Variants in GLYATL1 observed in about 807,000 individuals in gnomAD.
GLYATL1 encodes the protein glycine-N-acyltransferase like 1, also known as glycine N-acyltransferase-like protein 1.
GLYATL1 carries 15 observed loss-of-function variants against 20.0 expected under a neutral mutation model. The ratio of observed to expected loss-of-function variants is 0.75; its 90% CI spans 0.50 to 1.15. GLYATL1 has a LOEUF of 1.15. GLYATL1 is among the 50% of genes most tolerant of loss of function. The pLI is 0.00. For synonymous variants in GLYATL1, 151 were observed against 131.5 expected, an observed-to-expected ratio of 1.15 and a Z score of -1.01; for missense variants, 380 against 368.5, an observed-to-expected ratio of 1.03 and a Z score of -0.26.
intron 5 of GLYATL1, 54 bp from the exon 6 acceptor site, chr11:58,955,122 T>C (rs1857290729): frequency 6.6e-7 from 1 of 1,523,056 alleles, no homozygotes; most frequent in Admixed American, 1.7e-5. Flanking sequence ...GTGGGAGCAG[T>C]GTAAGTAGAG....
chr11:58,912,826 T>C (rs1855083065), downstream of GLYATL1, among the ~76,000 whole-genome samples: 1 of 152,202 alleles, frequency 6.6e-6, no homozygotes, highest in Admixed American at 6.5e-5. Flanking sequence ...GTCCCAGCTC[T>C]TGTGGACCTT....
In GLYATL1 at chr11:58,948,095, A is replaced by G. The variant is rs530433155; in HGVS notation, c.186+130A>G. 361 of 659,988 alleles carry G rather than the reference A, an allele frequency of 5.5e-4. 2 individuals are homozygous for G. Among genetic ancestry groups the G allele is most frequent in the South Asian group, 5.0e-3 (298 of 60,198 alleles). 40.9% of individuals were successfully genotyped at this position (659,988 alleles called of 1,614,324 possible). On this transcript the variant is annotated intron_variant, in intron 4 of 6. Transcript: ENST00000532726. The stretch of plus-strand genomic sequence containing the variant: ...GAGTATTTTAAAACACTCCTTCAGT[A>G]CTGGGCACCTTGCATGAGTGCCACG...
At chr11:58,940,375 T>G (rs563781503) in intron 1 of GLYATL1, among the ~76,000 whole-genome samples, 1 of 152,336 alleles carries the variant, frequency 6.6e-6, no homozygotes, top group Admixed American at 6.5e-5. Context: ...ACTGATGAGT[T>G]TCTATTTCAA....
At chr11:58,916,051 A>C (rs1402691256) in intron 1 of GLYATL1, among the ~76,000 whole-genome samples, 2 of 152,164 alleles carry the variant, frequency 1.3e-5, no homozygotes. Context: ...CAGAAAACCC[A>C]CCACCACTAC....
intron 4 of GLYATL1, among the ~76,000 whole-genome samples, chr11:58,951,631 A>G (rs916421047): frequency 1.3e-5 from 2 of 152,122 alleles, no homozygotes; most frequent in East Asian, 1.9e-4. Flanking sequence ...AAATTTTTTC[A>G]TCAAGAAATA....
rs1405482802 is a variant in GLYATL1 at position 58,947,117 on chromosome 11, G to C, written c.30G>C (p.Leu10=). The change falls in exon 3 of 7, where the codon CTG becomes CTC. Residue 10 remains leucine, a synonymous_variant. Transcript: ENST00000532726. MILLNNSHK[L]LALYKSLARS... is the part of the protein sequence containing the mutation. ...TCCTACTGAATAACTCCCATAAGCT[G>C]CTGGCCCTATACAAATCCTTGGCCA... 1 of 1,613,918 alleles carries C rather than the reference G, an allele frequency of 6.2e-7. No homozygotes were observed. The highest frequency in any genetic ancestry group is 1.3e-5 in the African/African-American group (1 of 75,048).
Position 58,955,908 on chromosome 11 carries a change from A to T in GLYATL1, c.790A>T (p.Ile264Phe). Residue 264 changes from isoleucine (I) to phenylalanine (F), a missense_variant, in exon 7 of 7, where the codon ATC (isoleucine) becomes TTC (phenylalanine). Transcript: ENST00000532726. ...YLRQKNIPFYISVLEENEDSR... is the reference protein window; with the variant it reads ...YLRQKNIPFYFSVLEENEDSR... ...GCGTCAGAAGAATATTCCATTTTACATCTCTGTGTTGGAAGAAAATGAAGA... is the reference window on the plus strand; with the variant it reads ...GCGTCAGAAGAATATTCCATTTTACTTCTCTGTGTTGGAAGAAAATGAAGA... 6.2e-7 allele frequency: 1 copy of T among 1,614,150 alleles called. No homozygotes were observed. Among genetic ancestry groups the T allele is most frequent in the Non-Finnish European group, 8.5e-7 (1 of 1,180,014 alleles).
chr11:58,938,505 A>G (rs923730473), upstream of GLYATL1, among the ~76,000 whole-genome samples: 1 of 152,228 alleles, frequency 6.6e-6, no homozygotes, highest in Non-Finnish European at 1.5e-5. Flanking sequence ...TTCATGTCAG[A>G]ATCCAAGCTG....
downstream of GLYATL1, among the ~76,000 whole-genome samples, chr11:58,910,987 C>A (rs503591): frequency 0.28 from 42,950 of 151,998 alleles, 6,471 homozygotes; most frequent in Middle Eastern, 0.36. Context: ...CACTTATCCC[C>A]TATTCACCCC....
At chr11:58,946,071 C>T (rs1856549235) in intron 2 of GLYATL1, among the ~76,000 whole-genome samples, 1 of 152,052 alleles carries the variant, frequency 6.6e-6, no homozygotes, top group Admixed American at 6.6e-5. Context: ...TCGTGGGTTC[C>T]TTCTCTTACA....
At chr11:58,906,065 C>T (rs6591500) in intron 1 of GLYATL1, among the ~76,000 whole-genome samples, 2 of 152,022 alleles carry the variant, frequency 1.3e-5, no homozygotes, top group Admixed American at 6.5e-5. Context: ...GAATCGGGAG[C>T]AGCGGGCACT....
At chr11:58,921,512 A>G (rs1464845426) in intron 1 of GLYATL1, among the ~76,000 whole-genome samples, 1 of 152,130 alleles carries the variant, frequency 6.6e-6, no homozygotes, top group Non-Finnish European at 1.5e-5. Flanking sequence ...TGGTTTTTTC[A>G]TACCGTGGCC....
At chr11:58,918,723 T>C (rs75375065) in intron 1 of GLYATL1, among the ~76,000 whole-genome samples, 6,266 of 152,256 alleles carry the variant, frequency 0.041, 408 homozygotes, top group African/African-American at 0.14. Flanking sequence ...ATTTACTCAT[T>C]TGATGGTGAC....
Position 58,947,055 on chromosome 11 carries a change from TTCAAGGTC to T in GLYATL1, c.-23_-16del. 1 of 1,612,472 alleles carries T rather than the reference TTCAAGGTC, an allele frequency of 6.2e-7. No homozygotes were observed. Reference sequence around the variant, plus strand: ...TTTCTTATCTTTTCAGAGTTTCTTCTTCAAGGTCTCAAGGTCTGAAGCATCCCACAGAA... The same window carrying T: ...TTTCTTATCTTTTCAGAGTTTCTTCTTCAAGGTCTGAAGCATCCCACAGAA... On this transcript the variant is annotated 5_prime_UTR_variant, in exon 3 of 7. An upstream open reading frame in the 5' UTR loses its in-frame stop. Coordinates refer to ENST00000532726, the MANE Select transcript of GLYATL1 (RefSeq NM_001389712.2).
upstream of GLYATL1, among the ~76,000 whole-genome samples, chr11:58,926,213 G>T (rs550864): frequency 0.52 from 78,995 of 151,952 alleles, 21,047 homozygotes; most frequent in African/African-American, 0.64. Flanking sequence ...GATAATTGTT[G>T]TAGCCAGCCT....
At chr11:58,910,155 T>TG (rs11428782), downstream of GLYATL1, among the ~76,000 whole-genome samples, 144,037 of 152,280 alleles carry the variant, frequency 0.95, 68,626 homozygotes, top group East Asian at 1. Flanking sequence ...TTTCCATACA[T>TG]TATGGCTCCT....
At chr11:58,947,460 G>T (rs1220717560) in intron 3 of GLYATL1, 7 of 488,846 alleles carry the variant, frequency 1.4e-5, no homozygotes, top group Non-Finnish European at 1.8e-5. Flanking sequence ...CCATTTTCTA[G>T]TCAGATGGCT....
At chr11:58,946,501 T>G (rs1053292204) in intron 2 of GLYATL1, among the ~76,000 whole-genome samples, 1 of 152,226 alleles carries the variant, frequency 6.6e-6, no homozygotes, top group Non-Finnish European at 1.5e-5. Context: ...TTTACAGATA[T>G]GTGTTAAAAT....
In GLYATL1 at chr11:58,956,049, C is replaced by T. The variant is rs776605020; in HGVS notation, c.*22C>T. ...TTAGACAATGAAGCTGCTTAGTAAT[C>T]TCTGCCAAGCCATCTCTTAATATTA... On this transcript the variant is annotated 3_prime_UTR_variant, in exon 7 of 7. Transcript: ENST00000532726. The T allele has an allele frequency of 1.8e-5, 29 of 1,588,856 alleles. No individual in the cohort carries two copies. In the East Asian group the frequency reaches 6.1e-4, roughly 33 times the overall value.
Sources: allele counts gnomAD v4.1 joint callset (sites outside exome capture counted in the v4.1 genomes callset), GRCh38; gene constraint gnomAD v4.1.1; transcripts MANE v1.5; gene names NCBI Gene and HGNC (gene_info 2026-07-23, HGNC 2026-07-21).